The following ASAH2B variants were observed in gnomAD, a reference collection of about 807,000 sequenced individuals.
ASAH2B encodes the protein putative inactive neutral ceramidase B.
In ASAH2B, 1 loss-of-function variant was observed where a neutral mutation model predicts 2.9. The ratio of observed to expected loss-of-function variants is 0.34; its 90% CI spans 0.12 to 1.63. The LOEUF (loss-of-function observed/expected upper bound fraction) is 1.63. ASAH2B is among the 40% of genes most tolerant of loss of function. The pLI, the probability that ASAH2B is intolerant of heterozygous loss-of-function variation, is 0.36. For missense variants in ASAH2B, 9 were observed against 37.7 expected (o/e 0.24, Z 1.99); for synonymous variants, 4 against 13.3 (o/e 0.30, Z 1.52).
chr10:50,747,125 T>C (rs1839919407), intron 3 of ASAH2B, among the ~76,000 whole-genome samples: 1 of 150,540 alleles, frequency 6.6e-6, no homozygotes, highest in African/African-American at 2.5e-5. Flanking sequence ...TTCTTTCAGT[T>C]GTTTTATAGT....
chr10:50,747,008 G>GTATA (rs1839917252), intron 3 of ASAH2B, among the ~76,000 whole-genome samples: 1 of 149,228 alleles, frequency 6.7e-6, no homozygotes, highest in African/African-American at 2.5e-5. Context: ...TTAGTTTGAT[G>GTATA]TAATATGTGC....
chr10:50,758,647 C>G lies in ASAH2B; in HGVS notation c.*3907C>G, dbSNP rs1543963. On this transcript the variant is annotated 3_prime_UTR_variant, in exon 6 of 6. Coordinates refer to ENST00000647317, the MANE Select transcript of ASAH2B (RefSeq NM_001321958.2). Reference sequence around the variant, plus strand: ...AAAAGAACACACATTGGAATAATGACGAAAAAAATTGCTTTCTGTATTGCA... The same window carrying G: ...AAAAGAACACACATTGGAATAATGAGGAAAAAAATTGCTTTCTGTATTGCA... The G allele has an allele frequency of 2.0e-5, 3 of 151,172 alleles. No individual in the cohort carries two copies. Among genetic ancestry groups the G allele is most frequent in the Non-Finnish European group, 4.4e-5 (3 of 67,622 alleles). 9.4% of individuals were successfully genotyped at this position (151,172 alleles called of 1,614,324 possible).
chr10:50,743,620 A>C (rs567241209), intron 2 of ASAH2B: 1 of 153,058 alleles, frequency 6.5e-6, no homozygotes, highest in Non-Finnish European at 1.5e-5. Flanking sequence ...TGGAATAAAA[A>C]CATTGCATCT....
At position 50,758,646 on chromosome 10, in the gene ASAH2B, A is replaced by T; in HGVS notation, c.*3906A>T. On this transcript the variant is annotated 3_prime_UTR_variant, in exon 6 of 6. Coordinates refer to ENST00000647317, the MANE Select transcript of ASAH2B (RefSeq NM_001321958.2). ...GAAAAGAACACACATTGGAATAATG[A>T]CGAAAAAAATTGCTTTCTGTATTGC... 1 of 152,056 alleles carries T rather than the reference A, an allele frequency of 6.6e-6. No homozygotes were observed. Among genetic ancestry groups the T allele is most frequent in the African/African-American group, 2.4e-5 (1 of 41,448 alleles). 9.4% of individuals were successfully genotyped at this position (152,056 alleles called of 1,614,324 possible). A position where few individuals can be genotyped will look rare whatever the true frequency, so the allele number is the denominator to read the frequency against.
intron 3 of ASAH2B, among the ~76,000 whole-genome samples, chr10:50,747,051 G>T (rs1282366300): frequency 1.4e-5 from 2 of 147,896 alleles, no homozygotes; most frequent in Non-Finnish European, 1.5e-5. Flanking sequence ...TGCATTAGGG[G>T]TCATATTAAA....
chr10:50,759,188 G>GATACTCTTCCCCTATA lies in ASAH2B; in HGVS notation c.*4449_*4450insTACTCTTCCCCTATAA, dbSNP rs202072958. ...ACTTGTATTAGCATTTTTCCCCCTT[G>GATACTCTTCCCCTATA]ACATCAATGTCCTTGAATGTATTTG... On this transcript the variant is annotated 3_prime_UTR_variant, in exon 6 of 6. Coordinates refer to ENST00000647317, the MANE Select transcript of ASAH2B (RefSeq NM_001321958.2). 1.6e-5 allele frequency: 1 copy of GATACTCTTCCCCTATA among 60,972 alleles called. No homozygotes were observed. The allele number at this position is 60,972 out of a possible 1,614,324, so 3.8% of individuals were successfully genotyped here.
At chr10:50,754,168 T>C (rs1241375678) in intron 5 of ASAH2B, among the ~76,000 whole-genome samples, 10,350 of 139,754 alleles carry the variant, frequency 0.074, 93 homozygotes, top group East Asian at 0.3. Flanking sequence ...CACACACACA[T>C]ATATATATAT....
intron 3 of ASAH2B, among the ~76,000 whole-genome samples, chr10:50,746,091 C>T (rs1054452050): frequency 6.6e-6 from 1 of 151,224 alleles, no homozygotes; most frequent in African/African-American, 2.5e-5. Context: ...GAACTTATTC[C>T]CTTTGTCTAA....
intron 1 of ASAH2B, among the ~76,000 whole-genome samples, chr10:50,742,506 G>A (rs1839845614): frequency 6.6e-6 from 1 of 152,154 alleles, no homozygotes; most frequent in Admixed American, 6.5e-5. Flanking sequence ...TGGATTAAAT[G>A]TCTTTCTCCA....
intron 4 of ASAH2B, among the ~76,000 whole-genome samples, 180 bp downstream of exon 4, chr10:50,749,582 AG>A (rs1006614903): frequency 1.7e-3 from 224 of 129,658 alleles, no homozygotes; most frequent in South Asian, 6.8e-3. Flanking sequence ...TCTGGGTAAA[AG>A]CACACAGGAA....
chr10:50,757,666 A>G lies in ASAH2B; in HGVS notation c.*2926A>G, dbSNP rs1392183878. 5 of 149,962 alleles carry G rather than the reference A, an allele frequency of 3.3e-5. No individual in the cohort carries two copies. Among genetic ancestry groups the G allele is most frequent in the Non-Finnish European group, 7.5e-5 (5 of 67,102 alleles). The allele number at this position is 149,962 out of a possible 1,614,324, so 9.3% of individuals were successfully genotyped here. A position where few individuals can be genotyped will look rare whatever the true frequency, so the allele number is the denominator to read the frequency against. ...ACTTCTCATGTGTTTAGTTCTTCCA[A>G]ATGATGCTCTTGCTTCCTGGGTATC... On this transcript the variant is annotated 3_prime_UTR_variant, in exon 6 of 6. Coordinates refer to ENST00000647317, the MANE Select transcript of ASAH2B (RefSeq NM_001321958.2).
intron 1 of ASAH2B, 110 bp from the exon 2 acceptor site, chr10:50,742,805 G>C: frequency 9.2e-7 from 1 of 1,092,140 alleles, no homozygotes; most frequent in Non-Finnish European, 1.4e-6. Flanking sequence ...GATTGTGCCA[G>C]TTTTGAATAA....
rs1837148788 is a variant in ASAH2B, at chr10:50,758,919, C to T, written c.*4179C>T. Reference sequence around the variant, plus strand: ...GTCTTGGGGATGTTTCAGTAAGTTTCCTGGAAGAAATAACATATAAGCTAA... The same window carrying T: ...GTCTTGGGGATGTTTCAGTAAGTTTTCTGGAAGAAATAACATATAAGCTAA... On this transcript the variant is annotated 3_prime_UTR_variant, in exon 6 of 6. Transcript: ENST00000647317. 6.6e-6 allele frequency: 1 copy of T among 151,794 alleles called. No individual in the cohort carries two copies. The allele number at this position is 151,794 out of a possible 1,614,324, so 9.4% of individuals were successfully genotyped here. A position where few individuals can be genotyped will look rare whatever the true frequency, so the allele number is the denominator to read the frequency against.
rs369896073 is a variant in ASAH2B at position 50,740,508 on chromosome 10, A to G, written c.-100+525A>G. ...TGTGTCTGTGGGAAGCCTCTGACTC[A>G]CTTCTGTGCTCCAGTAGCACCCTGT... On this transcript the variant is annotated intron_variant, in intron 1 of 5. Coordinates refer to ENST00000647317, the MANE Select transcript of ASAH2B (RefSeq NM_001321958.2). 3.0e-4 allele frequency among the ~76,000 whole-genome samples: 46 copies of G among 152,012 alleles called. No homozygotes were observed. In the East Asian group the frequency reaches 8.5e-3, roughly 28 times the overall value.
intron 4 of ASAH2B, among the ~76,000 whole-genome samples, chr10:50,751,489 T>G (rs954847862): frequency 4.5e-4 from 68 of 150,490 alleles, no homozygotes; most frequent in African/African-American, 1.7e-3. Context: ...CCACCATATC[T>G]TCTCCATCTA....
In ASAH2B at chr10:50,747,231, T is replaced by C. The variant is rs186536809; in HGVS notation, c.144+1957T>C. ...TATCCAGTTTTCCCAGCAGCATTTA[T>C]TGAAGAGACTGTCACTTCCCCATTG... On this transcript the variant is annotated intron_variant, in intron 3 of 5. Coordinates refer to ENST00000647317, the MANE Select transcript of ASAH2B (RefSeq NM_001321958.2). Among the ~76,000 whole-genome samples, 371 of 151,392 alleles carry C rather than the reference T, an allele frequency of 2.5e-3. 10 individuals carry two copies. The highest frequency in any genetic ancestry group is 8.4e-3 in the African/African-American group (344 of 40,926).
At chr10:50,740,317 T>G (rs1036760032) in intron 1 of ASAH2B, among the ~76,000 whole-genome samples, 9 of 152,030 alleles carry the variant, frequency 5.9e-5, no homozygotes, top group African/African-American at 2.2e-4. Context: ...AAGAGAAACA[T>G]TAGTACAGCT....
At chr10:50,746,472 A>C (rs1243179210) in intron 3 of ASAH2B, among the ~76,000 whole-genome samples, 1 of 150,956 alleles carries the variant, frequency 6.6e-6, no homozygotes, top group East Asian at 1.9e-4. Flanking sequence ...GGGAGTTCAC[A>C]TATCTCTTCA....
At chr10:50,746,436 A>G (rs1217957967) in intron 3 of ASAH2B, among the ~76,000 whole-genome samples, 1 of 151,334 alleles carries the variant, frequency 6.6e-6, no homozygotes, top group South Asian at 2.1e-4. Context: ...TATCTTGGCT[A>G]TTGTGAACAG....
Sources: allele counts gnomAD v4.1 joint callset (sites outside exome capture counted in the v4.1 genomes callset), GRCh38; gene constraint gnomAD v4.1.1; transcripts MANE v1.5; gene names NCBI Gene and HGNC (gene_info 2026-07-23, HGNC 2026-07-21).